The following OGG1 variants were observed in gnomAD, a reference collection of about 807,000 sequenced individuals.
The protein encoded by OGG1 is 8-oxoguanine DNA glycosylase, also known as N-glycosylase/DNA lyase.
In OGG1, 35 loss-of-function variants were observed where a neutral mutation model predicts 42.3. The ratio of observed to expected loss-of-function variants is 0.83; its 90% CI spans 0.63 to 1.10. The LOEUF (loss-of-function observed/expected upper bound fraction) is 1.10. Among genes scored for constraint, OGG1 ranks in the 50% least tolerant of loss-of-function variants. The probability of loss-of-function intolerance (pLI) is 0.00; values close to 1 mark genes in which losing one functional copy is unlikely to be tolerated. For missense variants in OGG1, 484 were observed against 446.7 expected, an observed-to-expected ratio of 1.08 and a Z score of -0.75; for synonymous variants, 189 against 179.0, an observed-to-expected ratio of 1.06 and a Z score of -0.44.
chr3:9,778,746 G>T (rs1026433893), intron 2 of OGG1, among the ~76,000 whole-genome samples: 1 of 152,174 alleles, frequency 6.6e-6, no homozygotes, highest in African/African-American at 2.4e-5. Context: ...GCCTGCTTCT[G>T]GGACTAATCA....
chr3:9,784,889 AAAG>A (rs887911513), intron 3 of OGG1, among the ~76,000 whole-genome samples: 1 of 152,016 alleles, frequency 6.6e-6, no homozygotes, highest in African/African-American at 2.4e-5. Flanking sequence ...AAAAAGAAAA[AAAG>A]AAATATATTT....
intron 3 of OGG1, among the ~76,000 whole-genome samples, chr3:9,752,565 T>C (rs1038036979): frequency 2.0e-5 from 3 of 146,574 alleles, no homozygotes; most frequent in African/African-American, 7.6e-5. Context: ...CAAGCTGGTA[T>C]CATTGTAGTG....
At chr3:9,762,475 C>G (rs1234876539) in intron 7 of OGG1, among the ~76,000 whole-genome samples, 4 of 152,214 alleles carry the variant, frequency 2.6e-5, no homozygotes, top group Non-Finnish European at 5.9e-5. Flanking sequence ...CTCCCGGGTC[C>G]AAGTGATTCG....
chr3:9,789,788 G>C (rs2078694532), downstream of OGG1: 1 of 1,614,098 alleles, frequency 6.2e-7, no homozygotes, highest in Non-Finnish European at 8.5e-7. Context: ...CTGGATCTTG[G>C]GCTGAAGGTT....
At chr3:9,784,013 C>T in intron 3 of OGG1, 1 of 1,607,706 alleles carries the variant, frequency 6.2e-7, no homozygotes, top group Non-Finnish European at 8.5e-7. Flanking sequence ...GACTGTGCAT[C>T]CTGCTAACGC....
Position 9,750,326 on chromosome 3 carries a change from C to A in OGG1, c.40C>A (p.Arg14Ser). 6.2e-7 allele frequency: 1 copy of A among 1,613,826 alleles called. No individual in the cohort carries two copies. The highest frequency in any genetic ancestry group is 8.5e-7 in the Non-Finnish European group (1 of 1,179,984). Residue 14 changes from arginine (R) to serine (S), a missense_variant, in exon 1 of 7, where the codon CGT (arginine) becomes AGT (serine). By Grantham distance (110) the Arg-to-Ser change is moderately radical. Coordinates refer to ENST00000344629, the MANE Select transcript of OGG1 (RefSeq NM_002542.6). The stretch of plus-strand genomic sequence containing the variant: ...GCTTCTGCCCAGGCGCATGGGGCAT[C>A]GTACTCTAGCCTCCACTCCTGCCCT... ...RALLPRRMGH[R>S]TLASTPALWA...
chr3:9,751,148 GT>G lies in OGG1; in HGVS notation c.343del (p.Ser115ProfsTer94), dbSNP rs1559680819. ...VTLAQLYHHW[G>X]SVDSHFQEVA... is the part of the protein sequence containing the mutation. ...CTGGCTCAACTGTATCACCACTGGGGTTCCGTGGACTCCCACTTCCAAGAGG... is the reference window on the plus strand; with the variant it reads ...CTGGCTCAACTGTATCACCACTGGGGTCCGTGGACTCCCACTTCCAAGAGG... On this transcript the variant is annotated frameshift_variant, in exon 2 of 7. Coordinates refer to ENST00000344629, the MANE Select transcript of OGG1 (RefSeq NM_002542.6). LOFTEE classifies it high-confidence loss of function. The G allele has an allele frequency of 6.2e-7, 1 of 1,614,022 alleles. No homozygotes were observed. Among genetic ancestry groups the G allele is most frequent in the Admixed American group, 1.7e-5 (1 of 60,000 alleles).
downstream of OGG1, chr3:9,767,693 G>C (rs372987743): frequency 7.4e-6 from 12 of 1,614,030 alleles, no homozygotes; most frequent in East Asian, 2.2e-5. Flanking sequence ...GGAAGTCGTA[G>C]ATGTCTCTAA....
chr3:9,779,065 A>G (rs2078403413), intron 2 of OGG1, among the ~76,000 whole-genome samples: 2 of 151,726 alleles, frequency 1.3e-5, no homozygotes, highest in Admixed American at 6.6e-5. Context: ...ACCAGAGCAT[A>G]TTTATTCATC....
downstream of OGG1, chr3:9,767,749 T>C: frequency 6.2e-7 from 1 of 1,613,990 alleles, no homozygotes; most frequent in Non-Finnish European, 8.5e-7. Flanking sequence ...GCCCCCAGCA[T>C]GGCCCACTGC....
downstream of OGG1, chr3:9,760,800 CT>C (rs768198811): frequency 1.6e-5 from 26 of 1,612,962 alleles, no homozygotes; most frequent in Non-Finnish European, 2.0e-5. Flanking sequence ...CTCATTTCCA[CT>C]TTCGGGTGCC....
chr3:9,776,969 A>G (rs933025141), intron 2 of OGG1, among the ~76,000 whole-genome samples: 16 of 152,166 alleles, frequency 1.1e-4, no homozygotes, highest in Non-Finnish European at 1.9e-4. Flanking sequence ...CCTGAGCCCC[A>G]GGCCAAGAAA....
At chr3:9,781,455 G>C (rs917954206) in intron 2 of OGG1, 5 of 447,618 alleles carry the variant, frequency 1.1e-5, no homozygotes, top group African/African-American at 2.0e-5. Flanking sequence ...CAGTTAGTGA[G>C]GGGGAGATCT....
intron 2 of OGG1, chr3:9,780,692 T>C: frequency 1.4e-6 from 1 of 714,250 alleles, no homozygotes; most frequent in African/African-American, 1.8e-5. Context: ...AAGCAGTTAC[T>C]GACCTACACT....
chr3:9,787,455 C>A, intron 3 of OGG1: 1 of 1,408,872 alleles, frequency 7.1e-7, no homozygotes. Flanking sequence ...CAAGGCCAAG[C>A]CCAGTGTCAG....
chr3:9,760,070 G>C (rs1342903585), downstream of OGG1: 1 of 231,456 alleles, frequency 4.3e-6, no homozygotes, highest in African/African-American at 2.2e-5. Context: ...GTGAAACCTT[G>C]TTTCTACTAA....
Position 9,751,825 on chromosome 3 carries a change from C to G in OGG1, c.441C>G (p.Ser147=). ...PIECLFSFIC[S]SNNNIARITG... is the part of the protein sequence containing the mutation. ...AATGCCTTTTCTCTTTTATCTGTTCCTCCAACAACAACATCGCCCGCATCA... is the reference window on the plus strand; with the variant it reads ...AATGCCTTTTCTCTTTTATCTGTTCGTCCAACAACAACATCGCCCGCATCA... The change falls in exon 3 of 7, where the codon TCC becomes TCG. Residue 147 remains serine (S), a synonymous_variant. Transcript: ENST00000344629. 1 of 1,614,176 alleles carries G rather than the reference C, an allele frequency of 6.2e-7. No individual in the cohort carries two copies. The highest frequency in any genetic ancestry group is 1.3e-5 in the African/African-American group (1 of 75,042).
chr3:9,771,810 C>CTTTTTTTT, intron 2 of OGG1, among the ~76,000 whole-genome samples: 1 of 66,710 alleles, frequency 1.5e-5, no homozygotes, highest in Non-Finnish European at 2.7e-5. Flanking sequence ...TGTACAACTT[C>CTTTTTTTT]TTTTTTTTTT....
chr3:9,773,744 G>A (rs1368856990), intron 2 of OGG1, among the ~76,000 whole-genome samples: 1 of 151,808 alleles, frequency 6.6e-6, no homozygotes, highest in Non-Finnish European at 1.5e-5. Context: ...CCAGGCTGTG[G>A]TGCAGCGGCG....
Sources: gnomAD v4.1 joint callset for allele counts (sites outside exome capture counted in the v4.1 genomes callset) on GRCh38, gnomAD v4.1.1 for gene constraint, MANE v1.5 for transcripts, NCBI Gene and HGNC (gene_info 2026-07-23, HGNC 2026-07-21) for gene names.